Variants in GRSF1 observed in about 807,000 individuals in gnomAD.
GRSF1 encodes G-rich RNA sequence binding factor 1, also known as G-rich sequence factor 1.
Under a neutral mutation model 51.1 loss-of-function variants are expected in GRSF1, and 50 were observed. That is an observed-to-expected ratio of 0.98 (90% confidence interval 0.78 to 1.24). The LOEUF (loss-of-function observed/expected upper bound fraction) is 1.24. Ranked by LOEUF, GRSF1 falls within the 50% of genes most tolerant of loss-of-function variation. The pLI is 0.00. For synonymous variants in GRSF1, 293 were observed against 253.3 expected, an observed-to-expected ratio of 1.16 and a Z score of -1.49; for missense variants, 700 against 639.7, an observed-to-expected ratio of 1.09 and a Z score of -1.02.
At chr4:70,839,126 G>T in intron 1 of GRSF1, 1 of 1,304,386 alleles carries the variant, frequency 7.7e-7, no homozygotes, top group Non-Finnish European at 1.0e-6. Context: ...ACCAGCCGGC[G>T]GAAAGCAAGA....
In GRSF1 at chr4:70,817,215, G is replaced by GC. The variant is rs1491539461; in HGVS notation, c.*3671dup. 1 of 146,494 alleles carries GC rather than the reference G, an allele frequency of 6.8e-6. No individual in the cohort carries two copies. Among genetic ancestry groups the GC allele is most frequent in the East Asian group, 1.9e-4 (1 of 5,166 alleles). 9.1% of individuals were successfully genotyped at this position (146,494 alleles called of 1,614,324 possible). A position where few individuals can be genotyped will look rare whatever the true frequency, so the allele number is the denominator to read the frequency against. On this transcript the variant is annotated 3_prime_UTR_variant, in exon 10 of 10. Coordinates refer to ENST00000254799, the MANE Select transcript of GRSF1 (RefSeq NM_002092.4). ...ATATAAACAACTTTAAAATGAGCCT[G>GC]CTTTTTTTTTTTCTGAGACAGGGTC...
chr4:70,839,070 C>T (rs1470217684), intron 1 of GRSF1: 13 of 1,210,300 alleles, frequency 1.1e-5, no homozygotes, highest in Non-Finnish European at 1.4e-5. Context: ...TCGGGCTGCA[C>T]GGAAACTCCC....
At chr4:70,840,844 CT>C (rs1342833756), upstream of GRSF1, among the ~76,000 whole-genome samples, 6 of 152,136 alleles carry the variant, frequency 3.9e-5, no homozygotes, top group African/African-American at 9.6e-5. Flanking sequence ...CTGTGCTGCC[CT>C]GCGCTGTGCC....
Position 70,839,866 on chromosome 4 carries a change from CCAGCAGCGAT to C in GRSF1, c.-49_-40del, listed in dbSNP as rs1271240144. The C allele has an allele frequency of 3.5e-6, 5 of 1,439,346 alleles. No homozygotes were observed. Among genetic ancestry groups the C allele is most frequent in the Non-Finnish European group, 4.5e-6 (5 of 1,104,752 alleles). The allele number at this position is 1,439,346 out of a possible 1,614,324, so 89.2% of individuals were successfully genotyped here. A position where few individuals can be genotyped will look rare whatever the true frequency, so the allele number is the denominator to read the frequency against. On this transcript the variant is annotated 5_prime_UTR_variant, in exon 1 of 10. Transcript: ENST00000254799. Reference sequence around the variant, plus strand: ...GGCGCAGGGCCTGAAGGCAGCTGCTCCAGCAGCGATGGTGGAACGGAAGTGGAATCCAGGG... The same window carrying C: ...GGCGCAGGGCCTGAAGGCAGCTGCTCGGTGGAACGGAAGTGGAATCCAGGG...
At chr4:70,835,921 A>G (rs1163151864) in intron 2 of GRSF1, among the ~76,000 whole-genome samples, 2 of 152,132 alleles carry the variant, frequency 1.3e-5, no homozygotes, top group Admixed American at 1.3e-4. Context: ...CCCTGGCCCA[A>G]AGTCTTTCAA....
intron 1 of GRSF1, among the ~76,000 whole-genome samples, chr4:70,838,114 G>A (rs999021741): frequency 3.3e-5 from 5 of 150,746 alleles, no homozygotes; most frequent in Non-Finnish European, 7.4e-5. Flanking sequence ...AGCTACTCGG[G>A]AGGCTGAAGC....
intron 6 of GRSF1, among the ~76,000 whole-genome samples, chr4:70,827,118 T>C (rs564824055): frequency 1.3e-5 from 2 of 151,930 alleles, no homozygotes; most frequent in African/African-American, 4.8e-5. Flanking sequence ...GGAAACCCCG[T>C]CTCTACTAAA....
At position 70,839,869 on chromosome 4, in the gene GRSF1, G is replaced by A. The variant is rs1050493125; in HGVS notation, c.-42C>T. ...GCAGGGCCTGAAGGCAGCTGCTCCA[G>A]CAGCGATGGTGGAACGGAAGTGGAA... On this transcript the variant is annotated 5_prime_UTR_variant, in exon 1 of 10. Transcript: ENST00000254799. 6 of 1,433,278 alleles carry A rather than the reference G, an allele frequency of 4.2e-6. No homozygotes were observed. In the South Asian group the frequency reaches 4.2e-5, roughly 10 times the overall value. The allele number at this position is 1,433,278 out of a possible 1,614,324, so 88.8% of individuals were successfully genotyped here.
intron 6 of GRSF1, 30 bp downstream of exon 6, chr4:70,827,822 A>C (rs377146552): frequency 1.1e-5 from 17 of 1,491,308 alleles, no homozygotes; most frequent in African/African-American, 5.6e-5. Context: ...AGATAGACCC[A>C]ATGAGTCTCA....
At chr4:70,833,373 AC>A (rs1270701497) in intron 2 of GRSF1, 100 bp from the exon 3 acceptor site, 1 of 985,318 alleles carries the variant, frequency 1.0e-6, no homozygotes, top group African/African-American at 1.6e-5. Context: ...AAAGCAGGAA[AC>A]AAGTGTCATA....
intron 5 of GRSF1, among the ~76,000 whole-genome samples, chr4:70,828,472 C>A (rs1475066125): frequency 1.3e-5 from 2 of 152,192 alleles, no homozygotes; most frequent in Non-Finnish European, 2.9e-5. Flanking sequence ...GAGCTAACTT[C>A]CCCAGAACTT....
intron 1 of GRSF1, chr4:70,839,040 G>GGGCC: frequency 1.0e-6 from 1 of 953,038 alleles, no homozygotes; most frequent in Non-Finnish European, 1.4e-6. Flanking sequence ...GAGGCGCCGA[G>GGGCC]GGCCGCCCAG....
At chr4:70,842,783 A>G (rs1734483456), upstream of GRSF1, among the ~76,000 whole-genome samples, 1 of 152,164 alleles carries the variant, frequency 6.6e-6, no homozygotes, top group Non-Finnish European at 1.5e-5. Context: ...TGGATTGGAA[A>G]CCTAAATAGA....
In GRSF1 at chr4:70,816,001, G is replaced by A. The variant is rs919229645; in HGVS notation, c.*4886C>T. The A allele has an allele frequency of 1.3e-5, 2 of 152,188 alleles. No individual in the cohort carries two copies. Among genetic ancestry groups the A allele is most frequent in the Non-Finnish European group, 2.9e-5 (2 of 68,044 alleles). 9.4% of individuals were successfully genotyped at this position (152,188 alleles called of 1,614,324 possible). A position where few individuals can be genotyped will look rare whatever the true frequency, so the allele number is the denominator to read the frequency against. The stretch of plus-strand genomic sequence containing the variant: ...TACAGAATACATACTGCATAAGTGA[G>A]TCCGTTATATGAAGTTCTAGAATAG... On this transcript the variant is annotated 3_prime_UTR_variant, in exon 10 of 10. Transcript: ENST00000254799.
In GRSF1 at chr4:70,818,608, C is replaced by T. The variant is rs985530437; in HGVS notation, c.*2279G>A. The T allele has an allele frequency of 6.6e-6, 1 of 152,086 alleles. No individual in the cohort carries two copies. The highest frequency in any genetic ancestry group is 1.5e-5 in the Non-Finnish European group (1 of 68,028). The allele number at this position is 152,086 out of a possible 1,614,324, so 9.4% of individuals were successfully genotyped here. ...GCCTGGTGTCAATATTTAGATGAGA[C>T]CACAATATTCAGATGAGACCACAAT... On this transcript the variant is annotated 3_prime_UTR_variant, in exon 10 of 10. Transcript: ENST00000254799.
intron 9 of GRSF1, among the ~76,000 whole-genome samples, chr4:70,822,755 A>G (rs949458970): frequency 4.6e-5 from 7 of 152,106 alleles, no homozygotes; most frequent in African/African-American, 1.7e-4. Context: ...TTATGCATAA[A>G]AATTCTATAT....
At chr4:70,830,511 T>C (rs1480064345) in intron 5 of GRSF1, among the ~76,000 whole-genome samples, 1 of 151,530 alleles carries the variant, frequency 6.6e-6, no homozygotes, top group East Asian at 1.9e-4. Context: ...ATGCAGTGTG[T>C]AGACCTTATC....
intron 6 of GRSF1, among the ~76,000 whole-genome samples, chr4:70,826,645 G>A (rs1226442518): frequency 6.6e-6 from 1 of 151,546 alleles, no homozygotes; most frequent in African/African-American, 2.4e-5. Context: ...TTCGAGACCA[G>A]CCTGGGCAAC....
At chr4:70,843,211 T>C (rs1400391170), upstream of GRSF1, among the ~76,000 whole-genome samples, 2 of 152,258 alleles carry the variant, frequency 1.3e-5, no homozygotes, top group Non-Finnish European at 2.9e-5. Flanking sequence ...TTTGACCTTC[T>C]GAGTAATCAG....
Sources: gnomAD v4.1 joint callset for allele counts (sites outside exome capture counted in the v4.1 genomes callset) on GRCh38, gnomAD v4.1.1 for gene constraint, MANE v1.5 for transcripts, NCBI Gene and HGNC (gene_info 2026-07-23, HGNC 2026-07-21) for gene names.